The following DOCK4 variants were observed in gnomAD, a reference collection of about 807,000 sequenced individuals.
DOCK4 encodes the protein dedicator of cytokinesis protein 4.
In DOCK4, 97 loss-of-function variants were observed where a neutral mutation model predicts 268.1. The ratio of observed to expected loss-of-function variants is 0.36; its 90% CI spans 0.31 to 0.43. DOCK4 has a LOEUF of 0.43. Ranked by LOEUF, DOCK4 falls within the 20% of genes least tolerant of loss-of-function variation. The pLI, the probability that DOCK4 is intolerant of heterozygous loss-of-function variation, is 1.00. For missense variants in DOCK4, 2,145 were observed against 2,455.7 expected (o/e 0.87, Z 2.67); for synonymous variants, 954 against 887.2 (o/e 1.08, Z -1.34).
chr7:111,887,580 A>G (rs1336640883), intron 16 of DOCK4, among the ~76,000 whole-genome samples: 2 of 152,100 alleles, frequency 1.3e-5, no homozygotes, highest in Non-Finnish European at 2.9e-5. Context: ...AAGTATGGAA[A>G]GGTTTTTAAA....
At chr7:112,165,503 G>A (rs140818804) in intron 1 of DOCK4, among the ~76,000 whole-genome samples, 27 of 148,924 alleles carry the variant, frequency 1.8e-4, no homozygotes, top group Admixed American at 7.4e-4. Context: ...TTTCATTGTT[G>A]TTCATGGTGG....
chr7:112,081,897 C>T (rs2135719931), intron 1 of DOCK4, among the ~76,000 whole-genome samples: 1 of 152,236 alleles, frequency 6.6e-6, no homozygotes, highest in South Asian at 2.1e-4. Flanking sequence ...CGCAAGATCT[C>T]CTAGTGCTCA....
intron 9 of DOCK4, among the ~76,000 whole-genome samples, 168 bp downstream of exon 9, chr7:111,945,549 T>A (rs1248948517): frequency 6.6e-6 from 1 of 152,232 alleles, no homozygotes; most frequent in Non-Finnish European, 1.5e-5. Flanking sequence ...ATGAAAGTAA[T>A]CCTGGGAGGT....
chr7:111,918,317 T>C (rs1340868775), intron 12 of DOCK4, among the ~76,000 whole-genome samples: 1 of 152,190 alleles, frequency 6.6e-6, no homozygotes, highest in African/African-American at 2.4e-5. Context: ...CAAATCTGCG[T>C]CCTAGTTTAA....
intron 17 of DOCK4, among the ~76,000 whole-genome samples, chr7:111,874,852 C>G (rs1201677158): frequency 6.6e-6 from 1 of 152,212 alleles, no homozygotes; most frequent in African/African-American, 2.4e-5. Flanking sequence ...CGTGTGCAGA[C>G]AGACACACTT....
At chr7:112,099,771 GA>G (rs1325561124) in intron 1 of DOCK4, among the ~76,000 whole-genome samples, 1 of 152,146 alleles carries the variant, frequency 6.6e-6, no homozygotes, top group Non-Finnish European at 1.5e-5. Flanking sequence ...AGATGACATA[GA>G]AGATAAAACT....
At chr7:111,963,297 G>A (rs563744593) in intron 8 of DOCK4, among the ~76,000 whole-genome samples, 19 of 146,356 alleles carry the variant, frequency 1.3e-4, no homozygotes, top group African/African-American at 3.9e-4. Flanking sequence ...CTGAGGTACC[G>A]GGTTCATCTC....
At chr7:111,899,703 A>T (rs1586308310) in intron 15 of DOCK4, among the ~76,000 whole-genome samples, 1 of 152,116 alleles carries the variant, frequency 6.6e-6, no homozygotes, top group Non-Finnish European at 1.5e-5. Context: ...CGGGTGGATC[A>T]CCTGAGGTCA....
chr7:112,004,218 A>G, intron 1 of DOCK4, 87 bp from the exon 2 acceptor site: 1 of 993,054 alleles, frequency 1.0e-6, no homozygotes, highest in African/African-American at 1.6e-5. Flanking sequence ...AAATGAATAT[A>G]AATAGGAAGT....
intron 45 of DOCK4, 70 bp from the exon 46 acceptor site, chr7:111,741,731 A>G (rs2133440932): frequency 6.4e-7 from 1 of 1,552,720 alleles, no homozygotes; most frequent in East Asian, 2.3e-5. Flanking sequence ...GAGACAGGTT[A>G]GCATACTAGG....
intron 8 of DOCK4, among the ~76,000 whole-genome samples, chr7:111,959,551 GCT>G (rs1398300663): frequency 1.3e-5 from 2 of 152,150 alleles, no homozygotes; most frequent in African/African-American, 4.8e-5. Context: ...AGCCATATCT[GCT>G]CTCTTAACTA....
chr7:112,113,126 G>T (rs1054456977), intron 1 of DOCK4, among the ~76,000 whole-genome samples: 6 of 152,200 alleles, frequency 3.9e-5, no homozygotes, highest in Non-Finnish European at 5.9e-5. Context: ...ATGGTGAAAG[G>T]AGCCATTATT....
chr7:111,980,228 C>T (rs978187493), intron 7 of DOCK4, among the ~76,000 whole-genome samples: 1 of 152,188 alleles, frequency 6.6e-6, no homozygotes, highest in Non-Finnish European at 1.5e-5. Flanking sequence ...TACCCCTCTT[C>T]CCATCCCCAC....
At chr7:111,808,734 AC>A in intron 30 of DOCK4, 86 bp downstream of exon 30, 1 of 1,345,416 alleles carries the variant, frequency 7.4e-7, no homozygotes, top group Non-Finnish European at 1.0e-6. Context: ...ACATGGTGTC[AC>A]TGGTAAATTG....
At chr7:112,066,521 TAC>T (rs1270701530) in intron 1 of DOCK4, among the ~76,000 whole-genome samples, 1 of 148,908 alleles carries the variant, frequency 6.7e-6, no homozygotes, top group East Asian at 2.0e-4. Flanking sequence ...TCTATATATA[TAC>T]ACACACACAT....
Position 111,739,588 on chromosome 7 carries a change from G to A in DOCK4, c.5041-111C>T, listed in dbSNP as rs562501804. 1.1e-4 allele frequency: 90 copies of A among 841,118 alleles called. 1 individual carries two copies. The highest frequency in any genetic ancestry group is 7.7e-4 in the Admixed American group (32 of 41,502). The allele number at this position is 841,118 out of a possible 1,614,324, so 52.1% of individuals were successfully genotyped here. ...TTTTCAAATTAGCAACAAAAAGTCC[G>A]TTTAACAATATAGAAAATCTTAATA... On this transcript the variant is annotated intron_variant, in intron 47 of 52. Coordinates refer to ENST00000428084, the MANE Select transcript of DOCK4 (RefSeq NM_001363540.2).
chr7:111,843,949 T>C (rs1803890659), intron 25 of DOCK4, among the ~76,000 whole-genome samples: 1 of 152,168 alleles, frequency 6.6e-6, no homozygotes. Flanking sequence ...AGTTTTTAAT[T>C]GCAGAAAGCC....
At chr7:111,914,392 T>C (rs1335741843) in intron 13 of DOCK4, among the ~76,000 whole-genome samples, 1 of 152,158 alleles carries the variant, frequency 6.6e-6, no homozygotes, top group Non-Finnish European at 1.5e-5. Context: ...GTCACACCTC[T>C]GTTCCAAACC....
At chr7:111,787,149 T>C (rs1799228504) in intron 32 of DOCK4, among the ~76,000 whole-genome samples, 1 of 152,184 alleles carries the variant, frequency 6.6e-6, no homozygotes, top group Non-Finnish European at 1.5e-5. Flanking sequence ...TTTATTAAAG[T>C]AGATAAGAGG....
Sources: gnomAD v4.1 joint callset for allele counts (sites outside exome capture counted in the v4.1 genomes callset) on GRCh38, gnomAD v4.1.1 for gene constraint, MANE v1.5 for transcripts, NCBI Gene and HGNC (gene_info 2026-07-23, HGNC 2026-07-21) for gene names.